The following AHCTF1 variants were observed in gnomAD, a reference collection of about 807,000 sequenced individuals.
The protein encoded by AHCTF1 is protein ELYS.
Under a neutral mutation model 248.4 loss-of-function variants are expected in AHCTF1, and 24 were observed. That is an observed-to-expected ratio of 0.10 (90% CI 0.07 to 0.14). The LOEUF is 0.14. AHCTF1 is among the 10% of genes least tolerant of loss of function. The probability of loss-of-function intolerance (pLI) is 1.00; values close to 1 mark genes in which losing one functional copy is unlikely to be tolerated. For missense variants in AHCTF1, 2,206 were observed against 2,636.2 expected (o/e 0.84, Z 3.57); for synonymous variants, 786 against 929.8 (o/e 0.85, Z 2.81).
intron 7 of AHCTF1, among the ~76,000 whole-genome samples, chr1:246,903,287 C>T (rs753168710): frequency 1.1e-4 from 17 of 152,102 alleles, no homozygotes; most frequent in Non-Finnish European, 2.1e-4. Context: ...ATCTAAAAGC[C>T]CAGACGCGTA....
chr1:246,907,528 T>G (rs1443815491), intron 5 of AHCTF1, 23 bp downstream of exon 5: 1 of 1,601,330 alleles, frequency 6.2e-7, no homozygotes, highest in Non-Finnish European at 8.5e-7. Flanking sequence ...TATAATCAAA[T>G]AAGGGAAAAA....
At chr1:246,887,098 T>C (rs1663869800) in intron 20 of AHCTF1, 113 bp downstream of exon 20, 1 of 1,234,074 alleles carries the variant, frequency 8.1e-7, no homozygotes, top group East Asian at 2.5e-5. Context: ...GGGTCCTTCC[T>C]CAACTATTTT....
At chr1:246,857,594 T>C in intron 30 of AHCTF1, 97 bp downstream of exon 30, 4 of 1,295,088 alleles carry the variant, frequency 3.1e-6, no homozygotes, top group Non-Finnish European at 4.2e-6. Flanking sequence ...GTTAAAGATC[T>C]AAGTGAAATC....
At chr1:246,855,930 AG>A (rs1355185206) in intron 30 of AHCTF1, 103 bp from the exon 31 acceptor site, 1 of 680,156 alleles carries the variant, frequency 1.5e-6, no homozygotes, top group Non-Finnish European at 2.4e-6. Flanking sequence ...ATGTAAACTG[AG>A]GTTCAGAGAA....
intron 27 of AHCTF1, among the ~76,000 whole-genome samples, chr1:246,863,307 G>A (rs182436998): frequency 3.6e-4 from 54 of 151,954 alleles, no homozygotes; most frequent in Admixed American, 1.5e-3. Flanking sequence ...GGAGGGGTGA[G>A]GGAGAAATAA....
rs1389104384 is a variant in AHCTF1, at chr1:246,876,872, G to T, written c.2937+78C>A. On this transcript the variant is annotated intron_variant, in intron 23 of 35. Coordinates refer to ENST00000648844, the MANE Select transcript of AHCTF1 (RefSeq NM_001323342.2). ...AGGCACAGTGGTTACCAAACTGTAA[G>T]CTCTTATATAACAACCAAAAAAGCC... 14 of 1,523,430 alleles carry T rather than the reference G, an allele frequency of 9.2e-6. No individual in the cohort carries two copies. The East Asian group carries it at 1.6e-4, about 17-fold the overall frequency. 94.4% of individuals were successfully genotyped at this position (1,523,430 alleles called of 1,614,324 possible).
At chr1:246,913,477 A>C in intron 3 of AHCTF1, 65 bp from the exon 4 acceptor site, 1 of 1,472,946 alleles carries the variant, frequency 6.8e-7, no homozygotes, top group Non-Finnish European at 9.2e-7. Context: ...TAACACAATA[A>C]ATTTAAGTTA....
chr1:246,894,606 GGTTA>G, intron 14 of AHCTF1, 49 bp downstream of exon 14: 2 of 1,373,090 alleles, frequency 1.5e-6, no homozygotes, highest in Non-Finnish European at 2.0e-6. Context: ...CATAAACCAA[GGTTA>G]GTATTTTAAT....
At chr1:246,913,810 G>A (rs909016678) in intron 3 of AHCTF1, among the ~76,000 whole-genome samples, 3 of 152,128 alleles carry the variant, frequency 2.0e-5, no homozygotes, top group Non-Finnish European at 4.4e-5. Context: ...CGCATAAAAC[G>A]CAAACCTAAA....
chr1:246,907,756 G>A lies in AHCTF1; in HGVS notation c.559C>T (p.Leu187Phe), dbSNP rs543908057. Reference protein sequence around the residue: ...CNQNEVEASDLEVLTGIPAEV... With the variant: ...CNQNEVEASDFEVLTGIPAEV... ...GCTGGGATACCAGTTAGAACTTCAA[G>A]ATCTAAAACCACAAATTAGACAAAT... The change falls in exon 5 of 36, where the codon CTT (leucine) becomes TTT (phenylalanine). Residue 187 changes from leucine (L) to phenylalanine (F), a missense_variant and splice_region_variant. Around this residue, in one of 6 missense-constraint regions of AHCTF1, gnomAD observed 650 missense variants for 870.8 expected, o/e 0.75. Transcript: ENST00000648844. 1 of 1,608,380 alleles carries A rather than the reference G, an allele frequency of 6.2e-7. No homozygotes were observed. The highest frequency in any genetic ancestry group is 1.3e-5 in the African/African-American group (1 of 74,800).
At chr1:246,890,100 C>A in intron 16 of AHCTF1, 41 bp from the exon 17 acceptor site, 1 of 1,338,862 alleles carries the variant, frequency 7.5e-7, no homozygotes, top group Non-Finnish European at 1.1e-6. Context: ...GTAATAATCC[C>A]CAAATATCTC....
chr1:246,923,281 G>A (rs1232578854), intron 1 of AHCTF1, among the ~76,000 whole-genome samples: 1 of 151,926 alleles, frequency 6.6e-6, no homozygotes, highest in Non-Finnish European at 1.5e-5. Context: ...TGGGCATGGT[G>A]ACATGCGTCT....
chr1:246,860,008 T>C (rs567528111), intron 29 of AHCTF1, among the ~76,000 whole-genome samples: 31 of 152,188 alleles, frequency 2.0e-4, no homozygotes, highest in Admixed American at 5.2e-4. Context: ...ACGCCTGTAA[T>C]CCCAGCACTC....
intron 30 of AHCTF1, 36 bp from the exon 31 acceptor site, chr1:246,855,863 A>C: frequency 6.6e-7 from 1 of 1,521,256 alleles, no homozygotes; most frequent in Non-Finnish European, 9.1e-7. Context: ...AGTGTGTAAG[A>C]AGATCCCATC....
In AHCTF1 at chr1:246,897,184, A is replaced by G. The variant is rs568694307; in HGVS notation, c.1623+1024T>C. Among the ~76,000 whole-genome samples, 5 of 152,212 alleles carry G rather than the reference A, an allele frequency of 3.3e-5. No homozygotes were observed. In the South Asian group the frequency reaches 8.3e-4, roughly 25 times the overall value. ...AAAAATTAGCCGGGTGTGGTGGCAC[A>G]CGCCTCTAGTTCCAGCTACTCAGGA... On this transcript the variant is annotated intron_variant, in intron 12 of 35. Coordinates refer to ENST00000648844, the MANE Select transcript of AHCTF1 (RefSeq NM_001323342.2).
chr1:246,868,123 G>A (rs1662150674), intron 24 of AHCTF1, among the ~76,000 whole-genome samples: 2 of 148,698 alleles, frequency 1.3e-5, no homozygotes, highest in Non-Finnish European at 3.0e-5. Flanking sequence ...CACCAAGCCC[G>A]GCTAATTTTT....
intron 24 of AHCTF1, 88 bp from the exon 25 acceptor site, chr1:246,867,899 C>CA (rs1002448064): frequency 1.1e-4 from 59 of 557,180 alleles, no homozygotes; most frequent in South Asian, 1.4e-4. Flanking sequence ...ACACCCCCCC[C>CA]CCCACACACA....
intron 34 of AHCTF1, 24 bp downstream of exon 34, chr1:246,843,771 C>T (rs1660045968): frequency 1.5e-6 from 2 of 1,350,486 alleles, no homozygotes; most frequent in African/African-American, 1.5e-5. Context: ...AACAAACATA[C>T]AAATAAAATC....
In AHCTF1 at chr1:246,868,340, T is replaced by C. The variant is rs186159570; in HGVS notation, c.3089-529A>G. Among the ~76,000 whole-genome samples the C allele has an allele frequency of 1.2e-3, 176 of 143,626 alleles. 1 individual carries two copies. Among genetic ancestry groups the C allele is most frequent in the African/African-American group, 4.9e-3 (163 of 33,608 alleles). 94.2% of individuals were successfully genotyped at this position (143,626 alleles called of 152,430 possible). ...TTCACCATGTTGGCCAGGCTGGTCT[T>C]GAACTCCTGACCTCATGTGATCCAC... is the stretch of plus-strand genomic sequence containing the variant. On this transcript the variant is annotated intron_variant, in intron 24 of 35. Coordinates refer to ENST00000648844, the MANE Select transcript of AHCTF1 (RefSeq NM_001323342.2).
Sources: allele counts gnomAD v4.1 joint callset (sites outside exome capture counted in the v4.1 genomes callset), GRCh38; gene constraint gnomAD v4.1.1; regional missense constraint gnomAD v4.1.1; transcripts MANE v1.5; gene names NCBI Gene and HGNC (gene_info 2026-07-23, HGNC 2026-07-21).